Variants in RTN1 observed in about 807,000 individuals in gnomAD.
RTN1 encodes the protein reticulon-1.
A neutral mutation model predicts 65.5 loss-of-function variants in RTN1; 25 were observed. The observed-to-expected ratio is 0.38, with a 90% CI of 0.28 to 0.53. RTN1 has a LOEUF of 0.53. RTN1 is among the 20% of genes least tolerant of loss of function. The pLI is 0.79. For missense variants in RTN1, 983 were observed against 1,025.4 expected, an observed-to-expected ratio of 0.96 and a Z score of 0.57; for synonymous variants, 471 against 447.6, an observed-to-expected ratio of 1.05 and a Z score of -0.66.
intron 3 of RTN1, among the ~76,000 whole-genome samples, chr14:59,644,530 G>A (rs566999150): frequency 1.1e-4 from 17 of 152,266 alleles, no homozygotes; most frequent in African/African-American, 2.4e-4. Flanking sequence ...TTAGATACCC[G>A]GGCTTCCTGG....
rs546770289 is a variant in RTN1, at chr14:59,683,816, A to G, written c.1765+43103T>C. On this transcript the variant is annotated intron_variant, in intron 3 of 8. Transcript: ENST00000267484. The stretch of plus-strand genomic sequence containing the variant: ...TTGGGCTTTTGTCTGCCATGAAAGA[A>G]AACTGGTGATCCATCTAATTTGCTT... Among the ~76,000 whole-genome samples the G allele has an allele frequency of 2.1e-3, 326 of 152,216 alleles. 2 individuals are homozygous for G. The highest frequency in any genetic ancestry group is 7.3e-3 in the African/African-American group (305 of 41,560).
At chr14:59,865,520 A>G (rs960437962) in intron 1 of RTN1, among the ~76,000 whole-genome samples, 9 of 152,148 alleles carry the variant, frequency 5.9e-5, no homozygotes, top group Non-Finnish European at 1.0e-4. Context: ...GGGAGCTCAA[A>G]TAAGAATTGA....
chr14:59,842,501 G>A (rs1026219264), intron 1 of RTN1, among the ~76,000 whole-genome samples: 9 of 151,968 alleles, frequency 5.9e-5, no homozygotes, highest in South Asian at 2.1e-4. Context: ...GATGGACATA[G>A]CTAGCACCAT....
At chr14:59,644,183 A>T (rs1241041339) in intron 3 of RTN1, among the ~76,000 whole-genome samples, 2 of 152,202 alleles carry the variant, frequency 1.3e-5, no homozygotes, top group African/African-American at 4.8e-5. Context: ...AGAGCAATAG[A>T]AGGGGCGAAT....
chr14:59,691,223 A>T (rs1447991630), intron 3 of RTN1, among the ~76,000 whole-genome samples: 2 of 152,198 alleles, frequency 1.3e-5, no homozygotes, highest in African/African-American at 4.8e-5. Flanking sequence ...GAAGATCCAA[A>T]TAAGCACAAT....
chr14:59,834,076 T>C (rs77263812), intron 1 of RTN1, among the ~76,000 whole-genome samples: 191 of 152,254 alleles, frequency 1.3e-3, no homozygotes, highest in African/African-American at 4.5e-3. Flanking sequence ...AATGGACAAC[T>C]GATTTTCAAT....
At chr14:59,605,802 A>C (rs1267627097) in intron 4 of RTN1, 1 of 264,492 alleles carries the variant, frequency 3.8e-6, no homozygotes, top group Non-Finnish European at 7.1e-6. Flanking sequence ...AGAGAAAAAA[A>C]ATTAGTGCCA....
At chr14:59,785,996 C>A (rs952477914) in intron 1 of RTN1, among the ~76,000 whole-genome samples, 5 of 152,174 alleles carry the variant, frequency 3.3e-5, no homozygotes, top group African/African-American at 1.2e-4. Context: ...TCTGTGCTTT[C>A]TCATTTTGGC....
intron 3 of RTN1, chr14:59,630,584 G>A: frequency 1.3e-6 from 2 of 1,599,138 alleles, no homozygotes; most frequent in Non-Finnish European, 1.7e-6. Flanking sequence ...CCCGGCTGCT[G>A]CGGCTGGGCT....
In RTN1 at chr14:59,841,930, C is replaced by A. The variant is rs147344754; in HGVS notation, c.241+28460G>T. On this transcript the variant is annotated intron_variant, in intron 1 of 8. Transcript: ENST00000267484. ...TCACCTGAGGTCAGGAGTTCAAGAC[C>A]AGCTGGCCAACATGGCAAAACCCCA... Among the ~76,000 whole-genome samples the A allele has an allele frequency of 2.2e-4, 34 of 151,972 alleles. No individual in the cohort carries two copies. The East Asian group carries it at 5.3e-3, about 23-fold the overall frequency.
intron 1 of RTN1, among the ~76,000 whole-genome samples, chr14:59,749,671 T>TA (rs1885386145): frequency 1.2e-5 from 1 of 81,840 alleles, no homozygotes; most frequent in Non-Finnish European, 2.0e-5. Flanking sequence ...CTATATATAT[T>TA]TATATATCTA....
At chr14:59,672,672 C>T (rs1477184005) in intron 3 of RTN1, among the ~76,000 whole-genome samples, 25 of 111,388 alleles carry the variant, frequency 2.2e-4, no homozygotes, top group Non-Finnish European at 3.5e-4. Context: ...CTCGCTCTGT[C>T]GCCCAGGCCG....
chr14:59,807,402 G>A (rs549461444), intron 1 of RTN1, among the ~76,000 whole-genome samples: 22 of 152,188 alleles, frequency 1.4e-4, no homozygotes, highest in Non-Finnish European at 1.8e-4. Flanking sequence ...GCTCTTTAGG[G>A]ATGGGTGTAA....
rs1305462390 is a variant in RTN1 at position 59,661,490 on chromosome 14, C to T, written c.1766-53998G>A. On this transcript the variant is annotated intron_variant, in intron 3 of 8. Coordinates refer to ENST00000267484, the MANE Select transcript of RTN1 (RefSeq NM_021136.3). ...CCAATATCCCTGATGAACATCAATG[C>T]AAAAATCCTCAATAAAATACTGGCA... Among the ~76,000 whole-genome samples the T allele has an allele frequency of 2.0e-5, 3 of 152,142 alleles. No individual in the cohort carries two copies. The East Asian group carries it at 5.8e-4, about 29-fold the overall frequency.
intron 1 of RTN1, among the ~76,000 whole-genome samples, chr14:59,832,280 A>C (rs1009034387): frequency 3.3e-5 from 5 of 152,108 alleles, no homozygotes; most frequent in African/African-American, 1.2e-4. Flanking sequence ...ATGAGCTCCA[A>C]TATTTTAAGA....
chr14:59,647,001 A>G (rs1026962925), intron 3 of RTN1: 1 of 154,132 alleles, frequency 6.5e-6, no homozygotes, highest in South Asian at 2.0e-4. Flanking sequence ...TTTAAAAAGC[A>G]TATAGTAACA....
chr14:59,748,174 C>G (rs2139512258), intron 1 of RTN1, among the ~76,000 whole-genome samples: 1 of 150,114 alleles, frequency 6.7e-6, no homozygotes. Context: ...GAAACCTCCC[C>G]TAATGCGCTT....
At chr14:59,698,055 C>A (rs564151144) in intron 3 of RTN1, among the ~76,000 whole-genome samples, 5 of 152,210 alleles carry the variant, frequency 3.3e-5, no homozygotes, top group African/African-American at 1.2e-4. Flanking sequence ...TGAAAGTGAT[C>A]TTTTTATTTT....
intron 3 of RTN1, 111 bp from the exon 4 acceptor site, chr14:59,607,603 G>T: frequency 1.2e-6 from 1 of 866,544 alleles, no homozygotes; most frequent in Non-Finnish European, 1.8e-6. Flanking sequence ...CTGGCATCTG[G>T]ATTCCTAAAC....
Sources: allele counts gnomAD v4.1 joint callset (sites outside exome capture counted in the v4.1 genomes callset), GRCh38; gene constraint gnomAD v4.1.1; transcripts MANE v1.5; gene names NCBI Gene and HGNC (gene_info 2026-07-23, HGNC 2026-07-21).